Variants in CD163 observed in about 807,000 individuals in gnomAD.
CD163 encodes scavenger receptor cysteine-rich type 1 protein M130.
CD163 carries 64 observed loss-of-function variants against 129.2 expected under a neutral mutation model. That is an observed-to-expected ratio of 0.50 (90% CI 0.41 to 0.61). The LOEUF is 0.61. CD163 is among the 20% of genes least tolerant of loss of function. CD163 has a pLI of 0.00. For synonymous variants in CD163, 446 were observed against 478.5 expected, an observed-to-expected ratio of 0.93 and a Z score of 0.89; for missense variants, 1,061 against 1,377.9, an observed-to-expected ratio of 0.77 and a Z score of 3.64.
At chr12:7,501,911 A>C (rs955433955) in intron 2 of CD163, among the ~76,000 whole-genome samples, 1 of 152,246 alleles carries the variant, frequency 6.6e-6, no homozygotes, top group African/African-American at 2.4e-5. Context: ...TTTCATACGT[A>C]TATGTAAAAT....
intron 11 of CD163, among the ~76,000 whole-genome samples, chr12:7,484,761 A>C (rs1949224793): frequency 6.6e-6 from 1 of 152,118 alleles, no homozygotes; most frequent in East Asian, 1.9e-4. Flanking sequence ...AAAAATGGGA[A>C]GGTAAGGTAG....
chr12:7,503,648 C>T lies in CD163; in HGVS notation c.43G>A (p.Ala15Thr). 6.3e-7 allele frequency: 1 copy of T among 1,595,028 alleles called. No homozygotes were observed. The highest frequency in any genetic ancestry group is 1.1e-5 in the South Asian group (1 of 89,728). The change falls in exon 1 of 17, where the codon GCT becomes ACT. Residue 15 changes from alanine to threonine, a missense_variant. Coordinates refer to ENST00000432237, the MANE Select transcript of CD163 (RefSeq NM_203416.4). ...RMVLLEDSGS[A>T]DFRRHFVNLS... is the part of the protein sequence containing the mutation. ...AGAATAAATGAGAAGCTTTTACCAG[C>T]AGATCCAGAGTCTTCAAGTAGCACC...
rs752445398 is a variant in CD163 at position 7,503,710 on chromosome 12, A to G, written c.-20T>C. The G allele has an allele frequency of 2.0e-6, 3 of 1,500,222 alleles. No homozygotes were observed. The South Asian group carries it at 3.4e-5, about 17-fold the overall frequency. The allele number at this position is 1,500,222 out of a possible 1,614,324, so 92.9% of individuals were successfully genotyped here. ...GCTCATTCCAAAGATTTATAACTTCAATGATTCCTAAATCTTCTTGTATTA... is the reference window on the plus strand; with the variant it reads ...GCTCATTCCAAAGATTTATAACTTCGATGATTCCTAAATCTTCTTGTATTA... On this transcript the variant is annotated 5_prime_UTR_variant, in exon 1 of 17. Transcript: ENST00000432237.
chr12:7,500,105 G>A (rs764734072), intron 3 of CD163, among the ~76,000 whole-genome samples: 1 of 152,062 alleles, frequency 6.6e-6, no homozygotes, highest in East Asian at 1.9e-4. Context: ...GAGAGGCTGG[G>A]AGGTGAGAGG....
At chr12:7,481,052 A>G (rs1949155141) in intron 15 of CD163, 109 bp downstream of exon 15, 4 of 1,478,752 alleles carry the variant, frequency 2.7e-6, no homozygotes, top group Admixed American at 4.7e-5. Flanking sequence ...TAAGCTTCCT[A>G]TTACATTTTT....
intron 16 of CD163, 133 bp downstream of exon 16, chr12:7,479,727 T>C: frequency 2.5e-6 from 2 of 788,294 alleles, no homozygotes; most frequent in East Asian, 3.0e-5. Context: ...GATATATACA[T>C]ATACAAACAT....
Position 7,482,965 on chromosome 12 carries a change from C to A in CD163, c.3127+1G>T, listed in dbSNP as rs1324994556. 6.2e-7 allele frequency: 1 copy of A among 1,613,600 alleles called. No homozygotes were observed. Among genetic ancestry groups the A allele is most frequent in the African/African-American group, 1.3e-5 (1 of 74,880 alleles). The stretch of plus-strand genomic sequence containing the variant: ...TCATCATCATAAACTCCATGATATA[C>A]CTGTTGTGGCTTTTTGTGGGGTTTT... On this transcript the variant is annotated splice_donor_variant, in intron 13 of 16. Transcript: ENST00000432237. LOFTEE classifies it high-confidence loss of function.
chr12:7,489,448 A>G (rs945734924), intron 6 of CD163, among the ~76,000 whole-genome samples: 2 of 152,070 alleles, frequency 1.3e-5, no homozygotes, highest in African/African-American at 4.8e-5. Context: ...AAATGTATGC[A>G]ATGATCCCTT....
chr12:7,501,092 TCCCACCAA>T, intron 3 of CD163, 39 bp downstream of exon 3: 1 of 1,547,382 alleles, frequency 6.5e-7, no homozygotes, highest in Admixed American at 1.7e-5. Flanking sequence ...CATATTTTTT[TCCCACCAA>T]GGATTTTGTG....
Position 7,481,282 on chromosome 12 carries a change from G to T in CD163, c.3248-26C>A, listed in dbSNP as rs201169261. The T allele has an allele frequency of 4.2e-5, 65 of 1,564,240 alleles. No homozygotes were observed. The African/African-American group carries it at 7.2e-4, about 17-fold the overall frequency. ...CTGAAAACAGAGATCCCTAGGTTAG[G>T]GATCAGCTATCATAATAAAATTTCC... On this transcript the variant is annotated intron_variant, in intron 14 of 16. Coordinates refer to ENST00000432237, the MANE Select transcript of CD163 (RefSeq NM_203416.4).
At chr12:7,480,953 A>G in intron 15 of CD163, 1 of 1,255,718 alleles carries the variant, frequency 8.0e-7, no homozygotes, top group Admixed American at 3.5e-5. Flanking sequence ...GAATAATCAC[A>G]GGCCTCTTAA....
rs753007544 is a variant in CD163 at position 7,501,435 on chromosome 12, A to G, written c.161T>C (p.Val54Ala). The G allele has an allele frequency of 6.2e-7, 1 of 1,613,860 alleles. No individual in the cohort carries two copies. The change falls in exon 3 of 17, where the codon GTG becomes GCG. Residue 54 changes from valine (V) to alanine (A), a missense_variant. Physicochemically the swap from Val to Ala is moderately conservative, Grantham distance 64. Transcript: ENST00000432237. ...CCCGCTACACTTGTTTTCACCATCC[A>G]CTAGCCTCAGCTCCTTGTCTGTTCC... ...LGGTDKELRL[V>A]DGENKCSGRV...
chr12:7,471,325 T>C lies in CD163; in HGVS notation c.*104A>G, dbSNP rs1188454758. Reference sequence around the variant, plus strand: ...GAACTCCATAAAAATGCAACTGTAATAGTCAGTGAGAGAGGTGAATTTCTG... The same window carrying C: ...GAACTCCATAAAAATGCAACTGTAACAGTCAGTGAGAGAGGTGAATTTCTG... On this transcript the variant is annotated 3_prime_UTR_variant, in exon 17 of 17. Coordinates refer to ENST00000432237, the MANE Select transcript of CD163 (RefSeq NM_203416.4). The C allele has an allele frequency of 2.0e-5, 3 of 152,230 alleles. No individual in the cohort carries two copies. The highest frequency in any genetic ancestry group is 4.4e-5 in the Non-Finnish European group (3 of 68,022). The allele number at this position is 152,230 out of a possible 1,614,324, so 9.4% of individuals were successfully genotyped here. A position where few individuals can be genotyped will look rare whatever the true frequency, so the allele number is the denominator to read the frequency against.
At position 7,487,897 on chromosome 12, in the gene CD163, A is replaced by G. The variant is rs777404984; in HGVS notation, c.1611T>C (p.Asn537=). ...GGAATTCTTCAGCCCAGATCTGTCC[A>G]TTTCCCTCTCCAAAGTGAGCTCCCC... ...ILGGAHFGEG[N]GQIWAEEFQC... is the part of the protein sequence containing the mutation. Residue 537 remains asparagine, a synonymous_variant, in exon 7 of 17, where the codon AAT becomes AAC. Coordinates refer to ENST00000432237, the MANE Select transcript of CD163 (RefSeq NM_203416.4). The surrounding 1 kb of genome is among the most constrained non-coding windows in gnomAD (Gnocchi z 5.1). 4 of 1,613,900 alleles carry G rather than the reference A, an allele frequency of 2.5e-6. No homozygotes were observed. The highest frequency in any genetic ancestry group is 2.5e-6 in the Non-Finnish European group (3 of 1,180,008).
Position 7,496,119 on chromosome 12 carries a change from T to C in CD163, c.1099+694A>G, listed in dbSNP as rs1173119445. ...GACTGGATAAAGAAAATGTGGTACA[T>C]ATACACCATGGAATACTACGCAGCC... On this transcript the variant is annotated intron_variant, in intron 5 of 16. Transcript: ENST00000432237. This position sits in a 1 kb window ranked among gnomAD's most constrained non-coding sequence, Gnocchi z 4.8. 6.6e-6 allele frequency among the ~76,000 whole-genome samples: 1 copy of C among 152,120 alleles called. No individual in the cohort carries two copies. Among genetic ancestry groups the C allele is most frequent in the Admixed American group, 6.5e-5 (1 of 15,280 alleles).
intron 16 of CD163, among the ~76,000 whole-genome samples, chr12:7,473,780 C>A (rs1394875415): frequency 6.6e-6 from 1 of 152,030 alleles, no homozygotes; most frequent in African/African-American, 2.4e-5. Context: ...CACAGACTGG[C>A]AAATTGGATA....
At chr12:7,479,707 T>G (rs1443416815) in intron 16 of CD163, among the ~76,000 whole-genome samples, 153 bp downstream of exon 16, 1 of 152,194 alleles carries the variant, frequency 6.6e-6, no homozygotes, top group Non-Finnish European at 1.5e-5. Flanking sequence ...TTTTATATAT[T>G]CTCAATATAG....
intron 1 of CD163, chr12:7,502,825 G>C (rs1437405342): frequency 1.8e-6 from 1 of 555,858 alleles, no homozygotes; most frequent in Non-Finnish European, 3.2e-6. Flanking sequence ...GAATTGCAAG[G>C]TCAACCCTTA....
At position 7,475,438 on chromosome 12, in the gene CD163, G is replaced by A. The variant is rs749771804; in HGVS notation, c.*32-4041C>T. 9.2e-5 allele frequency among the ~76,000 whole-genome samples: 14 copies of A among 152,278 alleles called. No homozygotes were observed. In the East Asian group the frequency reaches 2.5e-3, roughly 27 times the overall value. The stretch of plus-strand genomic sequence containing the variant: ...TGGATGTAAGGCTGGTTCAACATAT[G>A]TAAATCAATAAACGTAATCCATCAT... On this transcript the variant is annotated intron_variant, in intron 16 of 16. Coordinates refer to ENST00000432237, the MANE Select transcript of CD163 (RefSeq NM_203416.4).
Sources: gnomAD v4.1 joint callset for allele counts (sites outside exome capture counted in the v4.1 genomes callset) on GRCh38, gnomAD v4.1.1 for gene constraint, Gnocchi (gnomAD v3.1) non-coding constraint, MANE v1.5 for transcripts, NCBI Gene and HGNC (gene_info 2026-07-23, HGNC 2026-07-21) for gene names.